APBA2: variants seen among roughly 807,000 people sequenced by gnomAD.
APBA2 encodes the protein amyloid beta precursor protein binding family A member 2, also known as amyloid-beta A4 precursor protein-binding family A member 2.
APBA2 carries 30 observed loss-of-function variants against 75.0 expected under a neutral mutation model. The observed-to-expected ratio is 0.40, with a 90% CI of 0.30 to 0.54. The LOEUF is 0.54. Ranked by LOEUF, APBA2 falls within the 20% of genes least tolerant of loss-of-function variation. The pLI is 0.49. For synonymous variants in APBA2, 444 were observed against 409.6 expected (o/e 1.08, Z -1.01); for missense variants, 801 against 1,016.1 (o/e 0.79, Z 2.88).
At chr15:28,915,137 T>TACCACAC (rs2033618500) in intron 1 of APBA2, among the ~76,000 whole-genome samples, 2 of 1,714 alleles carry the variant, frequency 1.2e-3, no homozygotes, top group African/African-American at 2.6e-3. Context: ...AACCCATATA[T>TACCACAC]ACCACACACA....
intron 14 of APBA2, among the ~76,000 whole-genome samples, 167 bp downstream of exon 14, chr15:29,114,183 C>T (rs141582859): frequency 6.6e-5 from 10 of 152,318 alleles, no homozygotes; most frequent in Non-Finnish European, 1.0e-4. Flanking sequence ...GCAGGTGATG[C>T]GGAGCCATCC....
chr15:29,000,634 A>G (rs2152801051), intron 3 of APBA2, among the ~76,000 whole-genome samples: 1 of 152,248 alleles, frequency 6.6e-6, no homozygotes, highest in African/African-American at 2.4e-5. Flanking sequence ...TCTATTGCCC[A>G]GGCTGGAGTG....
Position 29,106,670 on chromosome 15 carries a change from T to C in APBA2, c.1768T>C (p.Ser590Pro). The C allele has an allele frequency of 6.2e-7, 1 of 1,612,944 alleles. No individual in the cohort carries two copies. ...GVVVVESGWG[S>P]ILPTVILANM... is the part of the protein sequence containing the mutation. ...GGTGGTGGTGGAGTCGGGCTGGGGC[T>C]CCATCCTGCCCACGGTGATCCTGGC... Residue 590 changes from serine (S) to proline (P), a missense_variant, in exon 12 of 15, where the codon TCC becomes CCC. Coordinates refer to ENST00000683413, the MANE Select transcript of APBA2 (RefSeq NM_001353788.2).
intron 2 of APBA2, among the ~76,000 whole-genome samples, chr15:28,935,373 G>A (rs2152694271): frequency 6.6e-6 from 1 of 152,034 alleles, no homozygotes; most frequent in South Asian, 2.1e-4. Context: ...TTAGGGTCCA[G>A]GCGGGTGGAT....
At chr15:29,023,112 G>T (rs11070208) in intron 3 of APBA2, among the ~76,000 whole-genome samples, 55,127 of 151,988 alleles carry the variant, frequency 0.36, 16,283 homozygotes, top group African/African-American at 0.79. Flanking sequence ...TTTCTATAAA[G>T]ACAGGAATAT....
intron 10 of APBA2, 120 bp downstream of exon 10, chr15:29,101,904 T>G: frequency 2.1e-6 from 2 of 971,924 alleles, no homozygotes; most frequent in Non-Finnish European, 3.2e-6. Flanking sequence ...TACTGATGTT[T>G]CCAGTGGATC....
intron 2 of APBA2, among the ~76,000 whole-genome samples, chr15:28,924,387 G>A (rs2034144953): frequency 6.6e-6 from 1 of 152,146 alleles, no homozygotes; most frequent in South Asian, 2.1e-4. Context: ...CTTCATCCCA[G>A]AGAGGAACTC....
intron 3 of APBA2, among the ~76,000 whole-genome samples, chr15:29,033,963 T>TC (rs1296339073): frequency 1.4e-3 from 63 of 43,578 alleles, no homozygotes; most frequent in African/African-American, 9.7e-3. Context: ...AGACTCCATC[T>TC]CAAAAAAAAA....
In APBA2 at chr15:29,054,284, T is replaced by A; in HGVS notation, c.400T>A (p.Cys134Ser). ...TGCACACCCTGTGGACACTGATGAG[T>A]GCCAGGAGGCGGTGGAGGAGTGGAC... is the stretch of plus-strand genomic sequence containing the variant. ...HSAHPVDTDE[C>S]QEAVEEWTDS... The change falls in exon 4 of 15, where the codon TGC (cysteine) becomes AGC (serine). Residue 134 changes from cysteine (C) to serine (S), a missense_variant. Coordinates refer to ENST00000683413, the MANE Select transcript of APBA2 (RefSeq NM_001353788.2). The surrounding 1 kb of genome is among the most constrained non-coding windows in gnomAD (Gnocchi z 6.1). The A allele has an allele frequency of 6.2e-7, 1 of 1,614,026 alleles. No individual in the cohort carries two copies. Among genetic ancestry groups the A allele is most frequent in the Non-Finnish European group, 8.5e-7 (1 of 1,180,014 alleles).
chr15:28,918,819 C>T lies in APBA2; in HGVS notation c.-204-2821C>T, dbSNP rs1403404054. Among the ~76,000 whole-genome samples the T allele has an allele frequency of 2.6e-5, 4 of 151,758 alleles. No homozygotes were observed. The highest frequency in any genetic ancestry group is 9.7e-5 in the African/African-American group (4 of 41,334). ...ACGTTCCTGTCCCGCCCACTCACTGCGAGGCTGGGCAGGGCCGCTTGCCAG... is the reference window on the plus strand; with the variant it reads ...ACGTTCCTGTCCCGCCCACTCACTGTGAGGCTGGGCAGGGCCGCTTGCCAG... On this transcript the variant is annotated intron_variant, in intron 1 of 14. Coordinates refer to ENST00000683413, the MANE Select transcript of APBA2 (RefSeq NM_001353788.2). The surrounding 1 kb of genome is among the most constrained non-coding windows in gnomAD (Gnocchi z 4.2).
chr15:29,091,774 T>C (rs1416034416), intron 6 of APBA2, among the ~76,000 whole-genome samples: 1 of 151,854 alleles, frequency 6.6e-6, no homozygotes, highest in African/African-American at 2.4e-5. Flanking sequence ...ACAGAATGGG[T>C]TAGAGGTGAG....
chr15:29,114,753 T>A (rs1184922069), intron 14 of APBA2, among the ~76,000 whole-genome samples: 1 of 147,748 alleles, frequency 6.8e-6, no homozygotes, highest in Non-Finnish European at 1.5e-5. Flanking sequence ...TGTGGGTGTG[T>A]GGCTGTGTGA....
intron 2 of APBA2, among the ~76,000 whole-genome samples, chr15:28,926,117 T>G (rs1279457523): frequency 6.6e-6 from 1 of 152,166 alleles, no homozygotes; most frequent in African/African-American, 2.4e-5. Flanking sequence ...GACTTGTGTT[T>G]TTTATCCACT....
chr15:28,971,447 C>T (rs2037063635), intron 2 of APBA2, among the ~76,000 whole-genome samples: 1 of 152,192 alleles, frequency 6.6e-6, no homozygotes, highest in African/African-American at 2.4e-5. Flanking sequence ...GCCATCAGGA[C>T]CGGGCACAGG....
At chr15:29,052,283 G>A (rs1341583770) in intron 3 of APBA2, among the ~76,000 whole-genome samples, 5 of 151,736 alleles carry the variant, frequency 3.3e-5, no homozygotes, top group South Asian at 2.1e-4. Flanking sequence ...GTGAAACCCC[G>A]TCTCTACTAA....
intron 3 of APBA2, among the ~76,000 whole-genome samples, chr15:29,053,085 C>T (rs2041682267): frequency 6.6e-6 from 1 of 152,146 alleles, no homozygotes; most frequent in Non-Finnish European, 1.5e-5. Flanking sequence ...AGTGCAGAGT[C>T]CTGGGCACTG....
At chr15:29,078,803 A>T (rs2042964629) in intron 6 of APBA2, among the ~76,000 whole-genome samples, 1 of 152,134 alleles carries the variant, frequency 6.6e-6, no homozygotes, top group Admixed American at 6.5e-5. Context: ...GGAAGAAAAA[A>T]GGAGAAGGGC....
rs201879619 is a variant in APBA2 at position 29,054,310 on chromosome 15, G to T, written c.426G>T (p.Thr142=). The T allele has an allele frequency of 1.9e-6, 3 of 1,614,054 alleles. No homozygotes were observed. Among genetic ancestry groups the T allele is most frequent in the East Asian group, 4.5e-5 (2 of 44,852 alleles). The change falls in exon 4 of 15, where the codon ACG becomes ACT. Residue 142 remains threonine (T), a synonymous_variant. Transcript: ENST00000683413. This position sits in a 1 kb window ranked among gnomAD's most constrained non-coding sequence, Gnocchi z 6.1. ...DECQEAVEEW[T]DSAGPHPHGH... is the part of the protein sequence containing the mutation. ...GCCAGGAGGCGGTGGAGGAGTGGAC[G>T]GACTCGGCGGGCCCGCACCCCCACG...
At chr15:28,982,613 G>A (rs1350857280) in intron 2 of APBA2, among the ~76,000 whole-genome samples, 2 of 152,222 alleles carry the variant, frequency 1.3e-5, no homozygotes, top group Middle Eastern at 3.2e-3. Context: ...ATTTATATTC[G>A]ATTGTCAGAA....
Sources: allele counts gnomAD v4.1 joint callset (sites outside exome capture counted in the v4.1 genomes callset), GRCh38; gene constraint gnomAD v4.1.1; non-coding constraint Gnocchi (gnomAD v3.1); transcripts MANE v1.5; gene names NCBI Gene and HGNC (gene_info 2026-07-23, HGNC 2026-07-21).